The following KLHL1 variants were observed in gnomAD, a reference collection of about 807,000 sequenced individuals.
The protein encoded by KLHL1 is kelch-like protein 1.
Under a neutral mutation model 77.7 loss-of-function variants are expected in KLHL1, and 47 were observed. The observed-to-expected ratio is 0.60, with a 90% confidence interval of 0.48 to 0.77. KLHL1 has a LOEUF of 0.77. Ranked by LOEUF, KLHL1 falls within the 30% of genes least tolerant of loss-of-function variation. The pLI is 0.00. For missense variants in KLHL1, 925 were observed against 910.8 expected, an observed-to-expected ratio of 1.02 and a Z score of -0.20; for synonymous variants, 360 against 325.2, an observed-to-expected ratio of 1.11 and a Z score of -1.15.
At chr13:69,709,107 C>T (rs571522341) in intron 9 of KLHL1, among the ~76,000 whole-genome samples, 49 of 151,910 alleles carry the variant, frequency 3.2e-4, no homozygotes, top group African/African-American at 9.2e-4. Flanking sequence ...AGGCGCTGGT[C>T]GAATGCTAGA....
intron 5 of KLHL1, among the ~76,000 whole-genome samples, chr13:69,845,750 C>T (rs1224144119): frequency 3.3e-5 from 5 of 151,134 alleles, no homozygotes; most frequent in Non-Finnish European, 7.4e-5. Flanking sequence ...AGGTAATGAA[C>T]AAAATATCTT....
chr13:69,983,503 G>T (rs1265172805), intron 1 of KLHL1, among the ~76,000 whole-genome samples: 1 of 150,124 alleles, frequency 6.7e-6, no homozygotes, highest in Admixed American at 6.7e-5. Flanking sequence ...CACTTTGGGA[G>T]GTCAAAGCAG....
chr13:69,782,534 G>T (rs573681124), intron 7 of KLHL1, among the ~76,000 whole-genome samples: 7 of 152,272 alleles, frequency 4.6e-5, no homozygotes, highest in Admixed American at 4.6e-4. Context: ...TGGCTTGGAG[G>T]GTCCTACGCC....
chr13:70,065,540 A>G (rs1886987540), intron 1 of KLHL1, among the ~76,000 whole-genome samples: 1 of 152,208 alleles, frequency 6.6e-6, no homozygotes, highest in Non-Finnish European at 1.5e-5. Context: ...CCATTCTTTC[A>G]TGTAACTTCA....
At chr13:70,102,832 T>A (rs193255204) in intron 1 of KLHL1, among the ~76,000 whole-genome samples, 108 of 152,316 alleles carry the variant, frequency 7.1e-4, no homozygotes, top group African/African-American at 2.5e-3. Flanking sequence ...AGCAAGTTTT[T>A]AATCAATGCC....
At chr13:69,859,287 T>C (rs1566335002) in intron 5 of KLHL1, among the ~76,000 whole-genome samples, 1 of 151,682 alleles carries the variant, frequency 6.6e-6, no homozygotes, top group Non-Finnish European at 1.5e-5. Context: ...GTTCAGTGCC[T>C]TTGGAGACTA....
At chr13:69,985,732 TAA>T (rs1206267446) in intron 1 of KLHL1, among the ~76,000 whole-genome samples, 1 of 148,778 alleles carries the variant, frequency 6.7e-6, no homozygotes, top group Non-Finnish European at 1.5e-5. Flanking sequence ...CTAATCAGCC[TAA>T]GTGTTCATCA....
chr13:70,055,698 C>T (rs1020423266), intron 1 of KLHL1, among the ~76,000 whole-genome samples: 1 of 151,896 alleles, frequency 6.6e-6, no homozygotes, highest in Non-Finnish European at 1.5e-5. Context: ...GAGTTTTTAA[C>T]AGTTTTCTCT....
intron 4 of KLHL1, among the ~76,000 whole-genome samples, chr13:69,926,491 A>C (rs1882817901): frequency 6.6e-6 from 1 of 152,188 alleles, no homozygotes; most frequent in Non-Finnish European, 1.5e-5. Context: ...ATAGATCAGT[A>C]AACTTAACAT....
intron 7 of KLHL1, among the ~76,000 whole-genome samples, chr13:69,749,159 G>A (rs1018728248): frequency 1.3e-5 from 2 of 151,802 alleles, no homozygotes; most frequent in Non-Finnish European, 2.9e-5. Flanking sequence ...GTGAATAATT[G>A]GACTAGAATA....
intron 6 of KLHL1, 46 bp from the exon 7 acceptor site, chr13:69,797,008 A>C (rs1425753301): frequency 6.8e-7 from 1 of 1,475,700 alleles, no homozygotes; most frequent in Admixed American, 1.7e-5. Context: ...TATAAATTCA[A>C]CAAACAGCCT....
intron 1 of KLHL1, among the ~76,000 whole-genome samples, chr13:70,045,433 T>C (rs533513847): frequency 3.5e-4 from 54 of 152,256 alleles, no homozygotes; most frequent in Middle Eastern, 3.4e-3. Context: ...TCCACATTTA[T>C]GGAAAAAATA....
chr13:69,889,580 A>G (rs1881350546), intron 4 of KLHL1, among the ~76,000 whole-genome samples: 1 of 151,784 alleles, frequency 6.6e-6, no homozygotes, highest in Admixed American at 6.6e-5. Flanking sequence ...ATGCACCCTT[A>G]CTCTTAAGGT....
intron 4 of KLHL1, among the ~76,000 whole-genome samples, chr13:69,934,807 T>C (rs2138288077): frequency 6.6e-6 from 1 of 150,946 alleles, no homozygotes; most frequent in South Asian, 2.1e-4. Flanking sequence ...GTTATGAACA[T>C]TCTTTAACCA....
chr13:70,076,726 A>T (rs1471996428), intron 1 of KLHL1, among the ~76,000 whole-genome samples: 2 of 151,970 alleles, frequency 1.3e-5, no homozygotes, highest in Non-Finnish European at 2.9e-5. Context: ...GAAAATTTTT[A>T]TAAAATATAT....
intron 4 of KLHL1, among the ~76,000 whole-genome samples, chr13:69,939,350 T>C (rs1403980811): frequency 8.5e-5 from 4 of 46,914 alleles, no homozygotes; most frequent in East Asian, 2.9e-4. Flanking sequence ...CATATATATA[T>C]ATATATATAT....
chr13:69,751,228 G>A (rs770352840), intron 7 of KLHL1, among the ~76,000 whole-genome samples: 17 of 151,382 alleles, frequency 1.1e-4, no homozygotes, highest in Non-Finnish European at 2.5e-4. Flanking sequence ...TTAGCAGTTT[G>A]CTAACTTTCA....
intron 6 of KLHL1, among the ~76,000 whole-genome samples, chr13:69,799,294 T>C (rs1050283923): frequency 6.6e-6 from 1 of 152,152 alleles, no homozygotes; most frequent in African/African-American, 2.4e-5. Context: ...TTGCAGGGAA[T>C]TTGAGGTCCA....
intron 1 of KLHL1, among the ~76,000 whole-genome samples, chr13:70,077,926 G>T (rs995905655): frequency 6.6e-6 from 1 of 151,852 alleles, no homozygotes; most frequent in African/African-American, 2.4e-5. Context: ...GTGTTCTTTT[G>T]AAAGTCTTTC....
Sources: gnomAD v4.1 joint callset for allele counts (sites outside exome capture counted in the v4.1 genomes callset) on GRCh38, gnomAD v4.1.1 for gene constraint, MANE v1.5 for transcripts, NCBI Gene and HGNC (gene_info 2026-07-23, HGNC 2026-07-21) for gene names.